Variants in USP47 observed in about 807,000 individuals in gnomAD.
The protein encoded by USP47 is ubiquitin carboxyl-terminal hydrolase 47.
A neutral mutation model predicts 165.1 loss-of-function variants in USP47; 35 were observed. The observed-to-expected ratio is 0.21, with a 90% CI of 0.16 to 0.28. The LOEUF (loss-of-function observed/expected upper bound fraction) is 0.28, where lower values mean the gene tolerates loss of function less well. Ranked by LOEUF, USP47 falls within the 10% of genes least tolerant of loss-of-function variation. USP47 has a pLI of 1.00. For missense variants in USP47, 1,277 were observed against 1,607.4 expected (o/e 0.79, Z 3.52); for synonymous variants, 531 against 544.5 (o/e 0.98, Z 0.35).
chr11:11,850,909 A>G (rs1437593266), intron 1 of USP47, among the ~76,000 whole-genome samples: 1 of 152,202 alleles, frequency 6.6e-6, no homozygotes, highest in Non-Finnish European at 1.5e-5. Flanking sequence ...GTGGAAGGAG[A>G]CAAGGCAGCT....
intron 3 of USP47, among the ~76,000 whole-genome samples, chr11:11,889,013 A>G (rs1011624686): frequency 1.3e-5 from 2 of 152,190 alleles, no homozygotes; most frequent in South Asian, 2.1e-4. Context: ...CCTTCATGTT[A>G]AAAACTCTGA....
chr11:11,875,138 T>C (rs1354607592), intron 1 of USP47, among the ~76,000 whole-genome samples: 2 of 151,892 alleles, frequency 1.3e-5, no homozygotes. Context: ...AGGAAGAATG[T>C]CTTAGAGAGC....
At chr11:11,948,879 A>C (rs1856030265) in intron 22 of USP47, 1 of 220,644 alleles carries the variant, frequency 4.5e-6, no homozygotes, top group Non-Finnish European at 9.0e-6. Flanking sequence ...AAATGCTGAA[A>C]TGAGACAAAA....
chr11:11,853,350 A>T (rs753095826), intron 1 of USP47, among the ~76,000 whole-genome samples: 1 of 152,228 alleles, frequency 6.6e-6, no homozygotes, highest in Non-Finnish European at 1.5e-5. Context: ...ATGCAGAGGC[A>T]TATTCTGTTA....
intron 11 of USP47, among the ~76,000 whole-genome samples, 192 bp downstream of exon 11, chr11:11,923,083 T>TATGA (rs1853977093): frequency 7.9e-6 from 1 of 126,256 alleles, no homozygotes; most frequent in Non-Finnish European, 1.7e-5. Flanking sequence ...TATATATATA[T>TATGA]ATGACTATAA....
chr11:11,942,092 T>A (rs1855512183), intron 19 of USP47, among the ~76,000 whole-genome samples: 1 of 152,074 alleles, frequency 6.6e-6, no homozygotes, highest in Admixed American at 6.6e-5. Flanking sequence ...AAACAAGATG[T>A]TTGTGTGTAT....
At chr11:11,854,001 G>C (rs1275391749) in intron 1 of USP47, among the ~76,000 whole-genome samples, 3 of 151,484 alleles carry the variant, frequency 2.0e-5, no homozygotes, top group Non-Finnish European at 4.4e-5. Flanking sequence ...CGGGTGTGGT[G>C]GTGGGCGCCT....
At chr11:11,856,758 A>G (rs1269004840) in intron 1 of USP47, 6 of 152,242 alleles carry the variant, frequency 3.9e-5, no homozygotes, top group South Asian at 2.1e-4. Context: ...GCTTATAATG[A>G]TGTGGTTTCT....
chr11:11,877,831 G>A (rs1196606591), intron 1 of USP47, among the ~76,000 whole-genome samples: 2 of 82,048 alleles, frequency 2.4e-5, no homozygotes, highest in South Asian at 1.0e-3. Context: ...GTGTGTGTGT[G>A]TGTGTGTGTG....
chr11:11,864,159 TAAAC>T (rs79018636), intron 1 of USP47, among the ~76,000 whole-genome samples: 2,547 of 152,136 alleles, frequency 0.017, 30 homozygotes, highest in Middle Eastern at 0.034. Flanking sequence ...ATTCCTTTAA[TAAAC>T]AGTTAAAAAA....
At chr11:11,845,461 G>T (rs116900319) in intron 1 of USP47, among the ~76,000 whole-genome samples, 5,268 of 151,986 alleles carry the variant, frequency 0.035, 153 homozygotes, top group Non-Finnish European at 0.056. Flanking sequence ...TATAGGAATA[G>T]AATTCATTTG....
At chr11:11,846,326 A>T (rs114789878) in intron 1 of USP47, among the ~76,000 whole-genome samples, 48 of 152,274 alleles carry the variant, frequency 3.2e-4, no homozygotes, top group African/African-American at 1.1e-3. Flanking sequence ...CCAAATAGGA[A>T]AAACTTAGAA....
intron 19 of USP47, 70 bp downstream of exon 19, chr11:11,940,618 T>C (rs1855402528): frequency 6.6e-7 from 1 of 1,520,724 alleles, no homozygotes; most frequent in Non-Finnish European, 9.0e-7. Context: ...TTCAATATTA[T>C]AAGCCTGGCC....
At position 11,936,294 on chromosome 11, in the gene USP47, T is replaced by A; in HGVS notation, c.1870-9T>A. The A allele has an allele frequency of 6.8e-7, 1 of 1,470,134 alleles. No homozygotes were observed. The highest frequency in any genetic ancestry group is 1.7e-5 in the South Asian group (1 of 60,158). 91.1% of individuals were successfully genotyped at this position (1,470,134 alleles called of 1,614,324 possible). ...TATTTTTTCTTTCTGGGGGATTACTTTCTTTTAGATGATGGATTTAGAAGA... is the reference window on the plus strand; with the variant it reads ...TATTTTTTCTTTCTGGGGGATTACTATCTTTTAGATGATGGATTTAGAAGA... On this transcript the variant is annotated splice_polypyrimidine_tract_variant and intron_variant, in intron 16 of 27. Coordinates refer to ENST00000527733, the MANE Select transcript of USP47 (RefSeq NM_001282659.2).
At chr11:11,921,108 A>G (rs1029336693) in intron 10 of USP47, among the ~76,000 whole-genome samples, 6 of 151,804 alleles carry the variant, frequency 4.0e-5, no homozygotes, top group Non-Finnish European at 5.9e-5. Context: ...TCCTTATTCA[A>G]TGAAAGACTT....
rs1848916945 is a variant in USP47 at position 11,854,528 on chromosome 11, G to A, written c.39+12304G>A. ...TAGATATTAGCTATTACCACCTTCT[G>A]TTACTACCATCATTTCTATCATTAC... On this transcript the variant is annotated intron_variant, in intron 1 of 27. Transcript: ENST00000527733. Among the ~76,000 whole-genome samples, 3 of 147,298 alleles carry A rather than the reference G, an allele frequency of 2.0e-5. No homozygotes were observed. The South Asian group carries it at 6.6e-4, about 32-fold the overall frequency.
chr11:11,896,092 G>A (rs1417024427), intron 4 of USP47, among the ~76,000 whole-genome samples: 1 of 152,162 alleles, frequency 6.6e-6, no homozygotes, highest in East Asian at 1.9e-4. Flanking sequence ...GTACATTTAT[G>A]TGACACAGTG....
Position 11,954,879 on chromosome 11 carries a change from A to G in USP47, c.3715-18A>G. On this transcript the variant is annotated intron_variant, in intron 25 of 27. Coordinates refer to ENST00000527733, the MANE Select transcript of USP47 (RefSeq NM_001282659.2). ...TTAATTTTTTAAATGAACTCAAATAAAATGTTTTATTTTACAGCTTAGTGA... is the reference window on the plus strand; with the variant it reads ...TTAATTTTTTAAATGAACTCAAATAGAATGTTTTATTTTACAGCTTAGTGA... The G allele has an allele frequency of 4.3e-6, 7 of 1,610,426 alleles. No individual in the cohort carries two copies. Among genetic ancestry groups the G allele is most frequent in the Non-Finnish European group, 5.9e-6 (7 of 1,178,986 alleles).
At chr11:11,946,893 A>G (rs1855881688) in intron 20 of USP47, among the ~76,000 whole-genome samples, 1 of 152,230 alleles carries the variant, frequency 6.6e-6, no homozygotes, top group Non-Finnish European at 1.5e-5. Flanking sequence ...GAAAACAATG[A>G]ACATTAATTT....
Sources: gnomAD v4.1 joint callset for allele counts (sites outside exome capture counted in the v4.1 genomes callset) on GRCh38, gnomAD v4.1.1 for gene constraint, MANE v1.5 for transcripts, NCBI Gene and HGNC (gene_info 2026-07-23, HGNC 2026-07-21) for gene names.